Variants in FBN1 observed in about 807,000 individuals in gnomAD.
FBN1 encodes the protein fibrillin-1.
Under a neutral mutation model 365.1 loss-of-function variants are expected in FBN1, and 29 were observed. The observed-to-expected ratio is 0.08, with a 90% CI of 0.06 to 0.11. FBN1 has a LOEUF of 0.11. Ranked by LOEUF, FBN1 falls within the 10% of genes least tolerant of loss-of-function variation. The pLI is 1.00. For missense variants in FBN1, 2,476 were observed against 3,703.2 expected (o/e 0.67, Z 8.60); for synonymous variants, 1,210 against 1,270.5 (o/e 0.95, Z 1.01).
chr15:48,488,312 GAT>G, intron 26 of FBN1, 54 bp downstream of exon 26: 19 of 1,356,472 alleles, frequency 1.4e-5, no homozygotes, highest in Non-Finnish European at 1.9e-5. Flanking sequence ...ATATGTTAAA[GAT>G]AAAGAGTTTT....
intron 49 of FBN1, among the ~76,000 whole-genome samples, chr15:48,444,269 G>A (rs1461342048): frequency 1.3e-5 from 2 of 152,178 alleles, no homozygotes; most frequent in African/African-American, 4.8e-5. Context: ...GTAGGACACA[G>A]CATTCCTAAC....
intron 6 of FBN1, among the ~76,000 whole-genome samples, chr15:48,544,779 T>C (rs1405662375): frequency 6.6e-6 from 1 of 152,238 alleles, no homozygotes; most frequent in Non-Finnish European, 1.5e-5. Flanking sequence ...CCTGATATTA[T>C]TTGTTCCTTC....
intron 2 of FBN1, among the ~76,000 whole-genome samples, chr15:48,615,007 G>A (rs1424771629): frequency 6.6e-6 from 1 of 152,184 alleles, no homozygotes; most frequent in Non-Finnish European, 1.5e-5. Context: ...AGTTCCTGGG[G>A]AAATTCAAAT....
intron 55 of FBN1, 80 bp downstream of exon 55, chr15:48,432,786 T>A (rs994546517): frequency 6.4e-7 from 1 of 1,557,868 alleles, no homozygotes; most frequent in Non-Finnish European, 8.8e-7. Flanking sequence ...AGCCTTCTCC[T>A]ACTAAGGGAA....
In FBN1 at chr15:48,586,387, G is replaced by A. The variant is rs537975545; in HGVS notation, c.538+9896C>T. Reference sequence around the variant, plus strand: ...CCTACAGTCAGGAAGTGACTGGGGAGAGAATGAGACTTAAACTTGACCTTG... The same window carrying A: ...CCTACAGTCAGGAAGTGACTGGGGAAAGAATGAGACTTAAACTTGACCTTG... On this transcript the variant is annotated intron_variant, in intron 6 of 65. Transcript: ENST00000316623. Among the ~76,000 whole-genome samples the A allele has an allele frequency of 4.4e-4, 67 of 152,258 alleles. 1 individual carries two copies. The highest frequency in any genetic ancestry group is 1.4e-3 in the Admixed American group (21 of 15,308).
intron 32 of FBN1, 36 bp from the exon 33 acceptor site, chr15:48,474,686 G>T (rs774871542): frequency 6.2e-7 from 1 of 1,613,702 alleles, no homozygotes; most frequent in South Asian, 1.1e-5. Context: ...AAAAGGCTCA[G>T]CACAAATGTC....
intron 35 of FBN1, 101 bp from the exon 36 acceptor site, chr15:48,470,857 C>A (rs2043368597): frequency 6.0e-6 from 8 of 1,338,506 alleles, no homozygotes; most frequent in Non-Finnish European, 8.3e-6. Context: ...TAAGAAAATG[C>A]AGAGTATCTA....
chr15:48,530,288 G>A (rs1189998013), intron 8 of FBN1, among the ~76,000 whole-genome samples: 2 of 146,650 alleles, frequency 1.4e-5, no homozygotes, highest in South Asian at 2.2e-4. Context: ...TGCATCCGCC[G>A]CCTGATCACA....
chr15:48,518,805 G>A (rs1021469227), intron 10 of FBN1, among the ~76,000 whole-genome samples: 1 of 152,110 alleles, frequency 6.6e-6, no homozygotes, highest in African/African-American at 2.4e-5. Flanking sequence ...CTCTCTGTAA[G>A]AGCCCAGATC....
chr15:48,611,095 A>G (rs2044652673), intron 3 of FBN1, among the ~76,000 whole-genome samples: 1 of 152,286 alleles, frequency 6.6e-6, no homozygotes. Flanking sequence ...AATCCATCAG[A>G]AGCCCAGGAC....
chr15:48,484,810 C>A (rs922245661), intron 30 of FBN1, among the ~76,000 whole-genome samples: 1 of 152,214 alleles, frequency 6.6e-6, no homozygotes, highest in African/African-American at 2.4e-5. Flanking sequence ...TGTTATTACC[C>A]ACTTTGTTTC....
Position 48,526,258 on chromosome 15 carries a change from G to A in FBN1, c.863-3C>T, listed in dbSNP as rs955955089. ...AATGGTGCTGCATTCATCAATATCT[G>A]GAATATAAAAAAAAGAATCTCAGCA... On this transcript the variant is annotated splice_region_variant and splice_polypyrimidine_tract_variant and intron_variant, in intron 8 of 65. Coordinates refer to ENST00000316623, the MANE Select transcript of FBN1 (RefSeq NM_000138.5). 120 of 1,613,318 alleles carry A rather than the reference G, an allele frequency of 7.4e-5. No homozygotes were observed. Among genetic ancestry groups the A allele is most frequent in the Admixed American group, 4.7e-4 (28 of 59,956 alleles).
chr15:48,490,625 A>G (rs1028811957), intron 24 of FBN1, among the ~76,000 whole-genome samples: 3 of 152,246 alleles, frequency 2.0e-5, no homozygotes, highest in Admixed American at 6.5e-5. Context: ...TACTTCTCAA[A>G]TATTTCTTTC....
rs1197392403 is a variant in FBN1, at chr15:48,644,807, G to C, written c.-38C>G. 6.3e-7 allele frequency: 1 copy of C among 1,591,812 alleles called. No individual in the cohort carries two copies. The highest frequency in any genetic ancestry group is 8.5e-7 in the Non-Finnish European group (1 of 1,173,696). On this transcript the variant is annotated 5_prime_UTR_variant, in exon 2 of 66. Transcript: ENST00000316623. ...CCACCGGCTCCCGCCGCCTCTTGCC[G>C]CGCCCGGGGCTCGGTCTGCGGCCGC...
intron 50 of FBN1, 140 bp downstream of exon 50, chr15:48,441,581 G>T: frequency 1.9e-6 from 2 of 1,057,876 alleles, no homozygotes; most frequent in South Asian, 2.6e-5. Context: ...CTGACATATG[G>T]TTATCATTAG....
At position 48,634,860 on chromosome 15, in the gene FBN1, CACACACACA is replaced by C. The variant is rs1457405167; in HGVS notation, c.164+9737_164+9745del. Reference sequence around the variant, plus strand: ...AACCAAAAAAAAAAAAAAAAAACCACACACACACACACACACACACACACACACACACAC... The same window carrying C: ...AACCAAAAAAAAAAAAAAAAAACCACCACACACACACACACACACACACAC... On this transcript the variant is annotated intron_variant, in intron 2 of 65. Transcript: ENST00000316623. 4.3e-3 allele frequency among the ~76,000 whole-genome samples: 178 copies of C among 41,498 alleles called. 1 individual carries two copies. The highest frequency in any genetic ancestry group is 0.019 in the African/African-American group (105 of 5,574). 27.2% of individuals were successfully genotyped at this position (41,498 alleles called of 152,430 possible).
chr15:48,447,595 A>C (rs2043169727), intron 46 of FBN1, among the ~76,000 whole-genome samples: 1 of 152,196 alleles, frequency 6.6e-6, no homozygotes. Flanking sequence ...GTAATAAAAA[A>C]TTTAATGAAA....
At chr15:48,565,233 T>G (rs1314126741) in intron 6 of FBN1, among the ~76,000 whole-genome samples, 1 of 152,166 alleles carries the variant, frequency 6.6e-6, no homozygotes, top group Non-Finnish European at 1.5e-5. Context: ...AATAGATACA[T>G]GAAAAGTTCC....
At position 48,474,981 on chromosome 15, in the gene FBN1, C is replaced by T. The variant is rs11070643; in HGVS notation, c.3965-331G>A. On this transcript the variant is annotated intron_variant, in intron 32 of 65. Coordinates refer to ENST00000316623, the MANE Select transcript of FBN1 (RefSeq NM_000138.5). ...TCTATGGTTTTAATACTCCTTGTCA[C>T]ATATTTTCTTTTGCTAGTATTTTTA... Among the ~76,000 whole-genome samples the T allele has an allele frequency of 0.039, 5,934 of 152,164 alleles. 417 individuals carry two copies. Among genetic ancestry groups the T allele is most frequent in the East Asian group, 0.32 (1,667 of 5,176 alleles).
Sources: allele counts gnomAD v4.1 joint callset (sites outside exome capture counted in the v4.1 genomes callset), GRCh38; gene constraint gnomAD v4.1.1; transcripts MANE v1.5; gene names NCBI Gene and HGNC (gene_info 2026-07-23, HGNC 2026-07-21).